LIPI: variants seen among roughly 807,000 people sequenced by gnomAD.
LIPI encodes lipase member I.
LIPI carries 59 observed loss-of-function variants against 50.6 expected under a neutral mutation model. That is an observed-to-expected ratio of 1.16 (90% confidence interval 0.94 to 1.45). LIPI has a LOEUF of 1.45. Among genes scored for constraint, LIPI ranks in the 40% most tolerant of loss-of-function variants. The pLI is 0.00. For missense variants in LIPI, 586 were observed against 536.3 expected, an observed-to-expected ratio of 1.09 and a Z score of -0.92; for synonymous variants, 203 against 178.2, an observed-to-expected ratio of 1.14 and a Z score of -1.11.
chr21:14,201,787 GCCCT>G (rs1391083376), intron 1 of LIPI, among the ~76,000 whole-genome samples: 1 of 152,138 alleles, frequency 6.6e-6, no homozygotes, highest in African/African-American at 2.4e-5. Flanking sequence ...AGACAGGGAT[GCCCT>G]CTCTCACCAA....
chr21:14,193,061 AAT>A (rs2019730137), intron 1 of LIPI, among the ~76,000 whole-genome samples: 2 of 152,354 alleles, frequency 1.3e-5, no homozygotes, highest in Middle Eastern at 3.4e-3. Context: ...ATGGGTACAC[AAT>A]ATATAATGAT....
intron 9 of LIPI, among the ~76,000 whole-genome samples, chr21:14,140,827 G>A (rs146787211): frequency 6.6e-6 from 1 of 152,108 alleles, no homozygotes; most frequent in East Asian, 1.9e-4. Flanking sequence ...TCATAAAGCT[G>A]TGAACATTAC....
intron 9 of LIPI, among the ~76,000 whole-genome samples, chr21:14,118,180 T>G (rs991593421): frequency 3.3e-5 from 5 of 152,012 alleles, no homozygotes; most frequent in African/African-American, 1.2e-4. Context: ...GTGGATCTAA[T>G]TGGGCTGGCA....
chr21:14,181,209 G>A (rs1338580525), intron 4 of LIPI, among the ~76,000 whole-genome samples: 3 of 152,262 alleles, frequency 2.0e-5, no homozygotes, highest in Admixed American at 6.5e-5. Context: ...AGGACAGTCT[G>A]TTTCTTAAAA....
intron 8 of LIPI, among the ~76,000 whole-genome samples, chr21:14,150,402 C>T (rs1394678524): frequency 6.6e-6 from 1 of 152,196 alleles, no homozygotes; most frequent in Non-Finnish European, 1.5e-5. Flanking sequence ...TGATTCTTCT[C>T]TGGGCTCCAA....
At chr21:14,180,535 TG>T (rs377543796) in intron 4 of LIPI, among the ~76,000 whole-genome samples, 65 of 152,184 alleles carry the variant, frequency 4.3e-4, no homozygotes, top group African/African-American at 1.4e-3. Context: ...ATATCGGGGG[TG>T]GGTTCCCCCA....
intron 4 of LIPI, among the ~76,000 whole-genome samples, chr21:14,181,544 G>A (rs757667079): frequency 1.3e-5 from 2 of 152,064 alleles, no homozygotes; most frequent in South Asian, 2.1e-4. Flanking sequence ...CTTGAAACCC[G>A]AAGGAGGCAA....
At chr21:14,182,190 A>T (rs926045534) in intron 3 of LIPI, among the ~76,000 whole-genome samples, 1 of 152,196 alleles carries the variant, frequency 6.6e-6, no homozygotes, top group Non-Finnish European at 1.5e-5. Context: ...AAGGAAAAAA[A>T]TAATGAATAC....
Position 14,185,992 on chromosome 21 carries a change from C to A in LIPI, c.510G>T (p.Lys170Asn), listed in dbSNP as rs2019441096. 5.0e-6 allele frequency: 8 copies of A among 1,594,052 alleles called. No individual in the cohort carries two copies. In the African/African-American group the frequency reaches 9.4e-5, roughly 19 times the overall value. The change falls in exon 3 of 10, where the codon AAG becomes AAT. Residue 170 changes from lysine (K) to asparagine (N), a missense_variant. Physicochemically the swap from Lys to Asn is moderately conservative, Grantham distance 94. Transcript: ENST00000681601. ...LGAHISGFVG[K>N]IFHGQLGRIT... ...TTCTTCCAAGTTGACCATGAAATAT[C>A]TTTCCAACAAATCCACTGATATGAG...
At chr21:14,133,171 C>T (rs2017360853) in intron 9 of LIPI, among the ~76,000 whole-genome samples, 1 of 152,090 alleles carries the variant, frequency 6.6e-6, no homozygotes, top group African/African-American at 2.4e-5. Context: ...AGGCCAGTAT[C>T]ACCCTCATAT....
intron 6 of LIPI, among the ~76,000 whole-genome samples, chr21:14,164,197 A>T (rs1274456071): frequency 6.6e-6 from 1 of 151,944 alleles, no homozygotes; most frequent in Non-Finnish European, 1.5e-5. Flanking sequence ...TGAGATTTGA[A>T]TATGGTAGAA....
chr21:14,179,414 T>C (rs1183773693), intron 4 of LIPI, among the ~76,000 whole-genome samples: 3 of 152,214 alleles, frequency 2.0e-5, no homozygotes, highest in Non-Finnish European at 4.4e-5. Context: ...GTTCCAACTA[T>C]GTGGCCTCTA....
intron 1 of LIPI, among the ~76,000 whole-genome samples, chr21:14,208,433 T>A (rs118511): frequency 0.34 from 51,232 of 152,178 alleles, 9,885 homozygotes; most frequent in African/African-American, 0.54. Flanking sequence ...AGCTGAATTA[T>A]TCTACCTTTA....
chr21:14,167,398 G>A (rs2018727993), intron 4 of LIPI, among the ~76,000 whole-genome samples: 1 of 152,204 alleles, frequency 6.6e-6, no homozygotes, highest in Non-Finnish European at 1.5e-5. Context: ...CTGAGAACGG[G>A]CAGACTGTCT....
chr21:14,190,837 A>C (rs9981966), intron 1 of LIPI, among the ~76,000 whole-genome samples: 39,018 of 152,022 alleles, frequency 0.26, 5,302 homozygotes, highest in Middle Eastern at 0.34. Flanking sequence ...TCTGACAAGA[A>C]TTTAATACAT....
At chr21:14,113,254 A>C (rs190549445) in intron 9 of LIPI, among the ~76,000 whole-genome samples, 118 of 152,368 alleles carry the variant, frequency 7.7e-4, no homozygotes, top group African/African-American at 2.6e-3. Context: ...TGAAAAATCA[A>C]CCAATTGAAA....
At chr21:14,196,247 CT>C (rs2019847818) in intron 1 of LIPI, among the ~76,000 whole-genome samples, 1 of 148,250 alleles carries the variant, frequency 6.7e-6, no homozygotes, top group African/African-American at 2.5e-5. Flanking sequence ...AAGAAATAAA[CT>C]TTTTATGCAT....
rs1306252788 is a variant in LIPI at position 14,152,669 on chromosome 21, A to G, written c.1022T>C (p.Leu341Pro). 2 of 1,483,990 alleles carry G rather than the reference A, an allele frequency of 1.3e-6. No homozygotes were observed. The highest frequency in any genetic ancestry group is 1.9e-6 in the Non-Finnish European group (2 of 1,065,782). The allele number at this position is 1,483,990 out of a possible 1,614,324, so 91.9% of individuals were successfully genotyped here. A position where few individuals can be genotyped will look rare whatever the true frequency, so the allele number is the denominator to read the frequency against. The part of the protein sequence containing the change: ...TYPFCTYYFV[L>P]SIIVPDKTMM... ...AGTTTTATCTGGAACAATTATACTG[A>G]GAACAAAATAATAGGCTACAAAATA... The change falls in exon 8 of 10, where the codon CTC becomes CCC. Residue 341 changes from leucine (L) to proline (P), a missense_variant. Physicochemically the swap from Leu to Pro is moderately conservative, Grantham distance 98 (BLOSUM62 -3). Coordinates refer to ENST00000681601, the MANE Select transcript of LIPI (RefSeq NM_001302998.2).
chr21:14,148,291 T>C (rs2017975327), intron 8 of LIPI, among the ~76,000 whole-genome samples: 1 of 152,150 alleles, frequency 6.6e-6, no homozygotes, highest in African/African-American at 2.4e-5. Context: ...TATATAATAT[T>C]ATACATTTTC....
Sources: gnomAD v4.1 joint callset for allele counts (sites outside exome capture counted in the v4.1 genomes callset) on GRCh38, gnomAD v4.1.1 for gene constraint, MANE v1.5 for transcripts, NCBI Gene and HGNC (gene_info 2026-07-23, HGNC 2026-07-21) for gene names.